Variants in MRTFB observed in about 807,000 individuals in gnomAD.
MRTFB encodes myocardin-related transcription factor B.
In MRTFB, 29 loss-of-function variants were observed where a neutral mutation model predicts 104.2. The ratio of observed to expected loss-of-function variants is 0.28; its 90% CI spans 0.21 to 0.38. MRTFB has a LOEUF of 0.38. Among genes scored for constraint, MRTFB ranks in the 10% least tolerant of loss-of-function variants. The pLI, the probability that MRTFB is intolerant of heterozygous loss-of-function variation, is 1.00. For missense variants in MRTFB, 1,270 were observed against 1,341.6 expected, an observed-to-expected ratio of 0.95 and a Z score of 0.83; for synonymous variants, 535 against 519.5, an observed-to-expected ratio of 1.03 and a Z score of -0.41.
chr16:14,227,718 G>A (rs1443655912), intron 8 of MRTFB, among the ~76,000 whole-genome samples: 1 of 151,990 alleles, frequency 6.6e-6, no homozygotes, highest in Admixed American at 6.6e-5. Flanking sequence ...CACCATGTTG[G>A]TCAGGTTGGT....
chr16:14,138,727 G>A (rs1055931036), intron 2 of MRTFB, among the ~76,000 whole-genome samples: 2 of 152,008 alleles, frequency 1.3e-5, no homozygotes, highest in South Asian at 2.1e-4. Flanking sequence ...CCCACTTTGC[G>A]GCTCGCTCAT....
chr16:14,128,543 A>T (rs1419995094), intron 2 of MRTFB, among the ~76,000 whole-genome samples: 2 of 152,190 alleles, frequency 1.3e-5, no homozygotes, highest in African/African-American at 4.8e-5. Context: ...ACAGCAACAA[A>T]AAGCAAGTGA....
chr16:14,111,612 G>C (rs1156902581), intron 2 of MRTFB, among the ~76,000 whole-genome samples: 1 of 152,212 alleles, frequency 6.6e-6, no homozygotes, highest in Non-Finnish European at 1.5e-5. Context: ...TTGGGTATTG[G>C]TATTGCTGAA....
rs1343672648 is a variant in MRTFB at position 14,261,198 on chromosome 16, T to A, written c.3054T>A (p.Asp1018Glu). 1 of 1,614,086 alleles carries A rather than the reference T, an allele frequency of 6.2e-7. No homozygotes were observed. The highest frequency in any genetic ancestry group is 8.5e-7 in the Non-Finnish European group (1 of 1,180,028). Residue 1018 changes from aspartate (D) to glutamate (E), a missense_variant, in exon 17 of 17, where the codon GAT becomes GAA. By Grantham distance (45) the Asp-to-Glu change is conservative (BLOSUM62 2). Around this residue, in one of 3 missense-constraint regions of MRTFB, gnomAD observed 1,144 missense variants for 1,131.5 expected, o/e 1.01. Transcript: ENST00000571589. ...CTCTGATCGAGGACCTCCAGAATGA[T>A]CTGCTGAGTCACTCAGGTATGCTGG... is the stretch of plus-strand genomic sequence containing the variant. ...PFSLIEDLQN[D>E]LLSHSGMLDH...
At chr16:14,200,973 AAG>A (rs1182517242) in intron 3 of MRTFB, 4 of 1,439,706 alleles carry the variant, frequency 2.8e-6, no homozygotes, top group Non-Finnish European at 3.9e-6. Context: ...AGACTTCCTG[AAG>A]AGAGAAAGCT....
At chr16:14,146,063 A>G (rs2038296173) in intron 3 of MRTFB, among the ~76,000 whole-genome samples, 1 of 152,240 alleles carries the variant, frequency 6.6e-6, no homozygotes, top group African/African-American at 2.4e-5. Context: ...CATTGCCAGT[A>G]TTATTACAGA....
chr16:14,112,517 A>G (rs1315434984), intron 2 of MRTFB, among the ~76,000 whole-genome samples: 1 of 152,234 alleles, frequency 6.6e-6, no homozygotes. Context: ...AATCACCACC[A>G]CTTAAAAGGG....
the MRTFB span, among the ~76,000 whole-genome samples, chr16:14,064,001 A>G: frequency 6.6e-6 from 1 of 152,220 alleles, no homozygotes; most frequent in Non-Finnish European, 1.5e-5. Flanking sequence ...CAATAATGGG[A>G]TTGCTGGGTC....
At chr16:14,053,426 A>G in the MRTFB span, among the ~76,000 whole-genome samples, 11 of 150,554 alleles carry the variant, frequency 7.3e-5, no homozygotes, top group South Asian at 2.1e-4. Flanking sequence ...TGACTCTACA[A>G]AAAAAATATT....
At chr16:14,147,608 G>A (rs541269044) in intron 3 of MRTFB, among the ~76,000 whole-genome samples, 5 of 152,184 alleles carry the variant, frequency 3.3e-5, no homozygotes, top group African/African-American at 1.2e-4. Context: ...GAGGGAGGGG[G>A]CTGTGTGTGA....
intron 1 of MRTFB, 139 bp downstream of exon 1, chr16:14,071,504 G>A (rs2033687347): frequency 6.6e-6 from 1 of 152,630 alleles, no homozygotes; most frequent in Non-Finnish European, 1.5e-5. Flanking sequence ...CAGCAGCTGC[G>A]GCGCCGTTTG....
intron 2 of MRTFB, among the ~76,000 whole-genome samples, chr16:14,115,781 G>T (rs2036514133): frequency 1.3e-5 from 2 of 152,154 alleles, no homozygotes; most frequent in Admixed American, 1.3e-4. Context: ...AAAAACTCCT[G>T]GTTTTAGACT....
intron 3 of MRTFB, among the ~76,000 whole-genome samples, chr16:14,179,080 A>T (rs1383494092): frequency 6.6e-6 from 1 of 152,246 alleles, no homozygotes; most frequent in Non-Finnish European, 1.5e-5. Flanking sequence ...TTGTTGGATT[A>T]TGTACAATTA....
chr16:14,050,015 G>A, the MRTFB span, among the ~76,000 whole-genome samples: 6 of 152,208 alleles, frequency 3.9e-5, no homozygotes, highest in African/African-American at 1.4e-4. Flanking sequence ...TTACAGGCGT[G>A]AGCCACCACG....
the MRTFB span, among the ~76,000 whole-genome samples, chr16:14,033,847 A>C: frequency 1.3e-5 from 2 of 151,948 alleles, no homozygotes; most frequent in African/African-American, 4.8e-5. Context: ...AAAAAAAAAA[A>C]AAAAAAAGAA....
chr16:14,003,112 G>A, the MRTFB span, among the ~76,000 whole-genome samples: 1 of 152,054 alleles, frequency 6.6e-6, no homozygotes, highest in Admixed American at 6.6e-5. Flanking sequence ...TATTGAGGAC[G>A]TAGTTTTTTG....
chr16:14,175,143 T>TA (rs200123645), intron 3 of MRTFB, among the ~76,000 whole-genome samples: 13,320 of 151,414 alleles, frequency 0.088, 1,193 homozygotes, highest in African/African-American at 0.23. Context: ...CTTGTGGGTT[T>TA]AAAAAAAAAC....
chr16:14,136,443 A>T (rs2037725534), intron 2 of MRTFB, among the ~76,000 whole-genome samples: 1 of 152,116 alleles, frequency 6.6e-6, no homozygotes, highest in East Asian at 1.9e-4. Flanking sequence ...TAGACCATTG[A>T]TTCTCAATGC....
chr16:14,161,348 A>T (rs1218994455), intron 3 of MRTFB, among the ~76,000 whole-genome samples: 2 of 152,130 alleles, frequency 1.3e-5, no homozygotes, highest in African/African-American at 4.8e-5. Context: ...CTGATTCATT[A>T]CAAAAGTAAC....
Sources: gnomAD v4.1 joint callset for allele counts (sites outside exome capture counted in the v4.1 genomes callset) on GRCh38, gnomAD v4.1.1 for gene constraint, gnomAD v4.1.1 regional missense constraint, MANE v1.5 for transcripts, NCBI Gene and HGNC (gene_info 2026-07-23, HGNC 2026-07-21) for gene names.